The following MRRF variants were observed in gnomAD, a reference collection of about 807,000 sequenced individuals.
MRRF encodes mitochondrial ribosome recycling factor, also known as ribosome-recycling factor, mitochondrial.
MRRF carries 18 observed loss-of-function variants against 25.1 expected under a neutral mutation model. The observed-to-expected ratio is 0.72, with a 90% CI of 0.50 to 1.06. The LOEUF is 1.06. Ranked by LOEUF, MRRF falls within the 50% of genes least tolerant of loss-of-function variation. The probability of loss-of-function intolerance (pLI) is 0.00; values close to 1 mark genes in which losing one functional copy is unlikely to be tolerated. For synonymous variants in MRRF, 113 were observed against 112.1 expected (o/e 1.01, Z -0.05); for missense variants, 323 against 319.3 (o/e 1.01, Z -0.09).
At chr9:122,276,365 A>G (rs1832777007) in intron 2 of MRRF, among the ~76,000 whole-genome samples, 1 of 152,182 alleles carries the variant, frequency 6.6e-6, no homozygotes, top group Admixed American at 6.5e-5. Context: ...ATCATACCTC[A>G]CTGTAACCTT....
chr9:122,319,070 G>T (rs1035315224), intron 6 of MRRF, among the ~76,000 whole-genome samples: 1 of 151,960 alleles, frequency 6.6e-6, no homozygotes, highest in Non-Finnish European at 1.5e-5. Context: ...CTCCAAAAGG[G>T]AATAAGAGCC....
chr9:122,317,245 A>G (rs990311417), intron 6 of MRRF, among the ~76,000 whole-genome samples: 1 of 151,962 alleles, frequency 6.6e-6, no homozygotes, highest in Non-Finnish European at 1.5e-5. Context: ...AACCCCTAAC[A>G]CTTGAACCTA....
chr9:122,303,762 G>T (rs1482085966), intron 5 of MRRF, among the ~76,000 whole-genome samples: 3 of 152,156 alleles, frequency 2.0e-5, no homozygotes, highest in Non-Finnish European at 4.4e-5. Flanking sequence ...ACTTGCTCAT[G>T]GTCATAGATT....
chr9:122,291,661 C>T, intron 4 of MRRF, 88 bp from the exon 5 acceptor site: 10 of 910,704 alleles, frequency 1.1e-5, no homozygotes, highest in South Asian at 7.9e-5. Flanking sequence ...CCATGTTCTG[C>T]CAAGATGGGT....
At chr9:122,315,242 C>T (rs1481368714) in intron 6 of MRRF, among the ~76,000 whole-genome samples, 1 of 151,990 alleles carries the variant, frequency 6.6e-6, no homozygotes, top group African/African-American at 2.4e-5. Flanking sequence ...GTCTTGGGCT[C>T]CTGGGCTCAA....
Position 122,273,168 on chromosome 9 carries a change from A to G in MRRF, c.184+2093A>G, listed in dbSNP as rs2119046760. ...AGTTTTCTCCAGACAGCTCTTGCAC[A>G]AGGCCAGGAGTGGTGGCCCACGCCT... On this transcript the variant is annotated intron_variant, in intron 2 of 6. Coordinates refer to ENST00000344641, the MANE Select transcript of MRRF (RefSeq NM_138777.5). 1.3e-5 allele frequency among the ~76,000 whole-genome samples: 2 copies of G among 152,326 alleles called. 1 individual carries two copies. The highest frequency in any genetic ancestry group is 3.9e-4 in the East Asian group (2 of 5,184).
intron 6 of MRRF, among the ~76,000 whole-genome samples, chr9:122,315,015 TCTC>T (rs150174708): frequency 1.8e-4 from 28 of 152,096 alleles, no homozygotes; most frequent in Non-Finnish European, 3.7e-4. Context: ...CTGCTCCCCT[TCTC>T]CTCCACCAGC....
chr9:122,320,911 C>G (rs1012164172), intron 6 of MRRF, among the ~76,000 whole-genome samples: 2 of 152,210 alleles, frequency 1.3e-5, no homozygotes, highest in African/African-American at 2.4e-5. Context: ...CTTTCAGTCT[C>G]TTTTCGACAT....
At chr9:122,292,952 T>A (rs1388339434) in intron 5 of MRRF, among the ~76,000 whole-genome samples, 1 of 152,162 alleles carries the variant, frequency 6.6e-6, no homozygotes, top group African/African-American at 2.4e-5. Context: ...TAAGTACTAA[T>A]GACATGCCAG....
At chr9:122,288,632 ATGT>A (rs1400367688) in intron 4 of MRRF, among the ~76,000 whole-genome samples, 2 of 152,232 alleles carry the variant, frequency 1.3e-5, no homozygotes, top group Non-Finnish European at 2.9e-5. Flanking sequence ...AAGACAGACT[ATGT>A]GTCTACTTTC....
intron 5 of MRRF, among the ~76,000 whole-genome samples, chr9:122,301,036 C>G (rs1834417060): frequency 6.6e-6 from 1 of 152,192 alleles, no homozygotes; most frequent in African/African-American, 2.4e-5. Context: ...TTGCTATCGT[C>G]ATTTTCCTCT....
chr9:122,308,899 C>T (rs1835035761), intron 5 of MRRF, among the ~76,000 whole-genome samples: 1 of 152,020 alleles, frequency 6.6e-6, no homozygotes, highest in African/African-American at 2.4e-5. Context: ...GATGGGGTCT[C>T]ACTGACTTGT....
chr9:122,282,367 A>T (rs987125369), intron 3 of MRRF, among the ~76,000 whole-genome samples: 2 of 152,212 alleles, frequency 1.3e-5, no homozygotes, highest in Admixed American at 6.5e-5. Context: ...AGCATTATTG[A>T]GCACTTTTTC....
chr9:122,269,775 T>G (rs1226269381), intron 1 of MRRF, among the ~76,000 whole-genome samples: 1 of 152,192 alleles, frequency 6.6e-6, no homozygotes, highest in Non-Finnish European at 1.5e-5. Flanking sequence ...AAAAAGGTGA[T>G]AGCTATCAAC....
intron 5 of MRRF, among the ~76,000 whole-genome samples, chr9:122,311,358 C>G (rs1475796322): frequency 6.6e-6 from 1 of 152,214 alleles, no homozygotes; most frequent in Non-Finnish European, 1.5e-5. Context: ...TCTCCCTTCT[C>G]ACTGCACTCC....
intron 2 of MRRF, among the ~76,000 whole-genome samples, chr9:122,278,795 C>G (rs1038279290): frequency 6.6e-6 from 1 of 151,972 alleles, no homozygotes; most frequent in African/African-American, 2.4e-5. Flanking sequence ...TCTCTTTGTC[C>G]TTTGTTTTCT....
intron 1 of MRRF, among the ~76,000 whole-genome samples, chr9:122,269,145 G>T (rs541127032): frequency 1.3e-5 from 2 of 148,314 alleles, no homozygotes; most frequent in South Asian, 2.1e-4. Context: ...CAGCCTGGGC[G>T]ACAGAGTGAG....
chr9:122,321,399 A>G (rs1008354706), intron 6 of MRRF, among the ~76,000 whole-genome samples: 13 of 152,186 alleles, frequency 8.5e-5, no homozygotes, highest in Admixed American at 6.5e-4. Context: ...CTACTTCCTC[A>G]TTCTATAACT....
intron 5 of MRRF, among the ~76,000 whole-genome samples, chr9:122,309,947 A>T (rs544554226): frequency 6.6e-6 from 1 of 152,324 alleles, no homozygotes; most frequent in South Asian, 2.1e-4. Context: ...TCCTCTGTTG[A>T]TTAAAAACTT....
Sources: allele counts gnomAD v4.1 joint callset (sites outside exome capture counted in the v4.1 genomes callset), GRCh38; gene constraint gnomAD v4.1.1; transcripts MANE v1.5; gene names NCBI Gene and HGNC (gene_info 2026-07-23, HGNC 2026-07-21).